Variants in FTO observed in about 807,000 individuals in gnomAD.
FTO encodes FTO alpha-ketoglutarate dependent dioxygenase.
FTO carries 47 observed loss-of-function variants against 63.9 expected under a neutral mutation model. The ratio of observed to expected loss-of-function variants is 0.74; its 90% confidence interval spans 0.58 to 0.94. The LOEUF (loss-of-function observed/expected upper bound fraction) is 0.94, where lower values mean the gene tolerates loss of function less well. Among genes scored for constraint, FTO ranks in the 40% least tolerant of loss-of-function variants. The pLI is 0.00. For missense variants in FTO, 562 were observed against 618.1 expected (o/e 0.91, Z 0.96); for synonymous variants, 207 against 224.4 (o/e 0.92, Z 0.69).
chr16:54,008,280 C>T (rs2084257421), intron 8 of FTO: 1 of 152,096 alleles, frequency 6.6e-6, no homozygotes, highest in African/African-American at 2.4e-5. Flanking sequence ...CACAGAAATA[C>T]TCCTATACTT....
rs138990882 is a variant in FTO at position 53,767,299 on chromosome 16, A to G, written c.46-42841A>G. ...ATGTTTTTGTTCTTAGTAAATGTGA[A>G]GACTAATTTTGACACTGTTTAGAAT... is the stretch of plus-strand genomic sequence containing the variant. On this transcript the variant is annotated intron_variant, in intron 1 of 8. Coordinates refer to ENST00000471389, the MANE Select transcript of FTO (RefSeq NM_001080432.3). Among the ~76,000 whole-genome samples the G allele has an allele frequency of 1.9e-3, 295 of 152,306 alleles. 2 individuals are homozygous for G. The highest frequency in any genetic ancestry group is 3.9e-3 in the South Asian group (19 of 4,824).
chr16:54,009,014 C>T (rs2084278160), intron 8 of FTO, among the ~76,000 whole-genome samples: 1 of 151,500 alleles, frequency 6.6e-6, no homozygotes, highest in Admixed American at 6.6e-5. Flanking sequence ...CCTGTCCCCC[C>T]CCCAAAAAAA....
At chr16:53,987,685 C>CTGGT (rs1385430976) in intron 8 of FTO, among the ~76,000 whole-genome samples, 1 of 151,948 alleles carries the variant, frequency 6.6e-6, no homozygotes, top group Non-Finnish European at 1.5e-5. Flanking sequence ...ATCATAAACA[C>CTGGT]TGGTTCTTCC....
intron 8 of FTO, among the ~76,000 whole-genome samples, chr16:53,985,604 T>C (rs1567496359): frequency 6.6e-6 from 1 of 152,212 alleles, no homozygotes; most frequent in Non-Finnish European, 1.5e-5. Flanking sequence ...CCCTCCTTCC[T>C]GCCCTGTTAA....
chr16:53,825,447 C>A (rs7195279), intron 2 of FTO, among the ~76,000 whole-genome samples: 57,885 of 151,814 alleles, frequency 0.38, 11,384 homozygotes, highest in Middle Eastern at 0.51. Flanking sequence ...AATACTATGC[C>A]TAGAGTTAAA....
chr16:54,079,522 G>A (rs1378706723), intron 8 of FTO, among the ~76,000 whole-genome samples: 1 of 152,190 alleles, frequency 6.6e-6, no homozygotes, highest in Non-Finnish European at 1.5e-5. Context: ...ATTGCTGCGG[G>A]ATTGGGAAAC....
chr16:53,785,289 A>G (rs1364759373), intron 1 of FTO, among the ~76,000 whole-genome samples: 2 of 152,204 alleles, frequency 1.3e-5, no homozygotes, highest in African/African-American at 4.8e-5. Flanking sequence ...AGTAATTGGA[A>G]CAATGCCTGA....
At chr16:53,852,177 G>A (rs1398935017) in intron 4 of FTO, among the ~76,000 whole-genome samples, 2 of 150,528 alleles carry the variant, frequency 1.3e-5, no homozygotes, top group Non-Finnish European at 1.5e-5. Flanking sequence ...TTGGGAGGTT[G>A]AAGTGGGAGG....
At chr16:53,986,290 A>G (rs2083665761) in intron 8 of FTO, among the ~76,000 whole-genome samples, 1 of 152,348 alleles carries the variant, frequency 6.6e-6, no homozygotes, top group African/African-American at 2.4e-5. Flanking sequence ...AACGTTACCC[A>G]GCAAATCTGG....
At chr16:53,928,631 TTTG>T (rs1352823863) in intron 7 of FTO, among the ~76,000 whole-genome samples, 1 of 152,166 alleles carries the variant, frequency 6.6e-6, no homozygotes, top group Admixed American at 6.5e-5. Flanking sequence ...TGTAACAGAA[TTTG>T]TTTTTGTCGT....
chr16:53,861,738 T>C (rs756173708), intron 4 of FTO, among the ~76,000 whole-genome samples: 35 of 152,342 alleles, frequency 2.3e-4, no homozygotes, highest in Admixed American at 5.2e-4. Flanking sequence ...TTATGCTTAC[T>C]GCTAGCCTTT....
intron 4 of FTO, among the ~76,000 whole-genome samples, chr16:53,866,653 T>A (rs969858313): frequency 1.3e-5 from 2 of 152,094 alleles, no homozygotes; most frequent in East Asian, 3.8e-4. Context: ...GATTTTTGGG[T>A]AAATAACTAT....
chr16:54,070,627 C>T (rs544320139), intron 8 of FTO: 7 of 152,304 alleles, frequency 4.6e-5, no homozygotes, highest in African/African-American at 9.6e-5. Context: ...TCTAATACCA[C>T]GGATGGCATG....
intron 8 of FTO, among the ~76,000 whole-genome samples, chr16:53,959,144 A>C (rs1330478481): frequency 6.6e-6 from 1 of 152,218 alleles, no homozygotes; most frequent in Admixed American, 6.5e-5. Context: ...TTTTAAGAAA[A>C]GGGTACGTGG....
rs1197054549 is a variant in FTO, at chr16:54,120,108, G to C, written c.*8193G>C. 6.6e-6 allele frequency: 1 copy of C among 152,250 alleles called. No individual in the cohort carries two copies. Among genetic ancestry groups the C allele is most frequent in the Admixed American group, 6.5e-5 (1 of 15,284 alleles). The allele number at this position is 152,250 out of a possible 1,614,324, so 9.4% of individuals were successfully genotyped here. A position where few individuals can be genotyped will look rare whatever the true frequency, so the allele number is the denominator to read the frequency against. ...GGCGGTGGGAGAAATTGTTCTGAAA[G>C]CATGAAGCCCAGCTGAGGCCAAAAT... On this transcript the variant is annotated 3_prime_UTR_variant, in exon 9 of 9. Transcript: ENST00000471389.
rs552565221 is a variant in FTO, at chr16:53,819,123, TAGAC to T, written c.124-6738_124-6735del. The stretch of plus-strand genomic sequence containing the variant: ...ATAAAATGTTTTAATGCAAATTTGA[TAGAC>T]AGTAACTAATTTAAGTATAATACAA... On this transcript the variant is annotated intron_variant, in intron 2 of 8. Transcript: ENST00000471389. Among the ~76,000 whole-genome samples, 32 of 152,340 alleles carry T rather than the reference TAGAC, an allele frequency of 2.1e-4. No homozygotes were observed. The East Asian group carries it at 3.1e-3, about 15-fold the overall frequency.
At chr16:54,014,331 G>GT (rs2084388357) in intron 8 of FTO, among the ~76,000 whole-genome samples, 1 of 152,146 alleles carries the variant, frequency 6.6e-6, no homozygotes, top group African/African-American at 2.4e-5. Context: ...TGGGTAATGA[G>GT]TGACTTCTCA....
intron 8 of FTO, among the ~76,000 whole-genome samples, chr16:53,977,460 C>G (rs771379515): frequency 1.3e-5 from 2 of 152,162 alleles, no homozygotes; most frequent in Non-Finnish European, 2.9e-5. Context: ...GTTAACAGGT[C>G]TCAGTAGAAC....
chr16:53,734,047 C>T (rs113735368), intron 1 of FTO, among the ~76,000 whole-genome samples: 7,416 of 152,168 alleles, frequency 0.049, 224 homozygotes, highest in South Asian at 0.11. Flanking sequence ...CATGACAAAA[C>T]GTATTTACAA....
Sources: gnomAD v4.1 joint callset for allele counts (sites outside exome capture counted in the v4.1 genomes callset) on GRCh38, gnomAD v4.1.1 for gene constraint, MANE v1.5 for transcripts, NCBI Gene and HGNC (gene_info 2026-07-23, HGNC 2026-07-21) for gene names.